MSI2: variants seen among roughly 807,000 people sequenced by gnomAD.
MSI2 encodes RNA-binding protein Musashi homolog 2.
Under a neutral mutation model 45.6 loss-of-function variants are expected in MSI2, and 17 were observed. The observed-to-expected ratio is 0.37, with a 90% CI of 0.26 to 0.56. MSI2 has a LOEUF of 0.56. Ranked by LOEUF, MSI2 falls within the 20% of genes least tolerant of loss-of-function variation. The pLI is 0.77. For missense variants in MSI2, 293 were observed against 444.2 expected (o/e 0.66, Z 3.06); for synonymous variants, 156 against 158.2 (o/e 0.99, Z 0.11).
intron 5 of MSI2, among the ~76,000 whole-genome samples, chr17:57,359,171 T>A (rs1237764552): frequency 6.6e-6 from 1 of 152,176 alleles, no homozygotes; most frequent in East Asian, 1.9e-4. Context: ...TAGGTCCCAC[T>A]GCTTGGGTTT....
At chr17:57,592,809 A>G (rs1318770333) in intron 7 of MSI2, among the ~76,000 whole-genome samples, 2 of 152,070 alleles carry the variant, frequency 1.3e-5, no homozygotes, top group Non-Finnish European at 2.9e-5. Flanking sequence ...CCTGTCTCCT[A>G]CCTCAGTTGC....
At chr17:57,493,549 C>A (rs1430215484) in intron 6 of MSI2, among the ~76,000 whole-genome samples, 1 of 151,486 alleles carries the variant, frequency 6.6e-6, no homozygotes, top group Admixed American at 6.6e-5. Flanking sequence ...CGTTGCATTG[C>A]CTGTGGGTCA....
intron 6 of MSI2, among the ~76,000 whole-genome samples, chr17:57,469,412 A>G (rs954299563): frequency 6.6e-6 from 1 of 152,216 alleles, no homozygotes; most frequent in African/African-American, 2.4e-5. Context: ...GTCATGCCCT[A>G]TTGCACCAAG....
At chr17:57,377,857 C>T (rs1052839419) in intron 5 of MSI2, among the ~76,000 whole-genome samples, 5 of 152,044 alleles carry the variant, frequency 3.3e-5, no homozygotes, top group African/African-American at 9.7e-5. Flanking sequence ...GGGTGGATCA[C>T]GAGGTCAGGA....
At position 57,643,479 on chromosome 17, in the gene MSI2, G is replaced by T. The variant is rs182304466; in HGVS notation, c.728-8620G>T. ...TCTGCTGGGTCAGTGGGGTGGGACA[G>T]GTGCTCCGCTGTGTTTCCTGAGTGC... On this transcript the variant is annotated intron_variant, in intron 10 of 13. Coordinates refer to ENST00000284073, the MANE Select transcript of MSI2 (RefSeq NM_138962.4). 2.5e-3 allele frequency among the ~76,000 whole-genome samples: 381 copies of T among 152,370 alleles called. 6 individuals carry two copies. Among genetic ancestry groups the T allele is most frequent in the Admixed American group, 0.013 (201 of 15,312 alleles).
At chr17:57,587,857 G>T (rs569591207) in intron 7 of MSI2, among the ~76,000 whole-genome samples, 1 of 152,340 alleles carries the variant, frequency 6.6e-6, no homozygotes, top group South Asian at 2.1e-4. Flanking sequence ...AGCAGGGGGA[G>T]AAATTAATTG....
At chr17:57,569,020 T>C (rs1336278990) in intron 7 of MSI2, among the ~76,000 whole-genome samples, 2 of 151,898 alleles carry the variant, frequency 1.3e-5, no homozygotes, top group Non-Finnish European at 2.9e-5. Flanking sequence ...TTTTTTTGAC[T>C]GTGTCTGGGA....
intron 5 of MSI2, among the ~76,000 whole-genome samples, chr17:57,338,436 G>A (rs913362012): frequency 6.3e-4 from 96 of 152,328 alleles, no homozygotes; most frequent in African/African-American, 2.2e-3. Context: ...GCCCAAGGCT[G>A]GCGTGCAATG....
chr17:57,585,477 C>T (rs1014525389), intron 7 of MSI2, among the ~76,000 whole-genome samples: 1 of 152,158 alleles, frequency 6.6e-6, no homozygotes, highest in Non-Finnish European at 1.5e-5. Context: ...ATAACCTGCT[C>T]AGAGTCATGC....
intron 8 of MSI2, among the ~76,000 whole-genome samples, chr17:57,603,974 G>A (rs1328086689): frequency 1.3e-5 from 2 of 152,254 alleles, no homozygotes; most frequent in Admixed American, 6.5e-5. Context: ...ACGAGTTTGG[G>A]GATAGCAGCC....
intron 6 of MSI2, among the ~76,000 whole-genome samples, chr17:57,410,483 G>A (rs1054294317): frequency 1.3e-5 from 2 of 151,870 alleles, no homozygotes; most frequent in Admixed American, 1.3e-4. Context: ...ACCCCTCTGG[G>A]CTTCTATTTG....
chr17:57,594,179 G>A lies in MSI2; in HGVS notation c.455-2689G>A, dbSNP rs541997722. Among the ~76,000 whole-genome samples, 17 of 152,336 alleles carry A rather than the reference G, an allele frequency of 1.1e-4. No individual in the cohort carries two copies. The East Asian group carries it at 2.9e-3, about 26-fold the overall frequency. On this transcript the variant is annotated intron_variant, in intron 7 of 13. Transcript: ENST00000284073. The stretch of plus-strand genomic sequence containing the variant: ...AGACCCCAGCATCACCCTCTTGCAG[G>A]GCGCTCTGGCTTGAAGGCACGCTGG...
intron 5 of MSI2, chr17:57,278,359 C>T (rs12604002): frequency 0.026 from 3,905 of 152,416 alleles, 65 homozygotes; most frequent in South Asian, 0.065. Context: ...CACCCAGCTT[C>T]GAGGAGATGG....
At chr17:57,494,116 AC>A (rs2085929288) in intron 6 of MSI2, among the ~76,000 whole-genome samples, 1 of 152,088 alleles carries the variant, frequency 6.6e-6, no homozygotes, top group African/African-American at 2.4e-5. Context: ...TTATTATGAT[AC>A]CCCTTTTCAC....
intron 6 of MSI2, among the ~76,000 whole-genome samples, chr17:57,515,456 C>T (rs1358262000): frequency 2.0e-5 from 3 of 152,152 alleles, no homozygotes; most frequent in African/African-American, 7.2e-5. Context: ...CCATTTGCCT[C>T]GGCCTCCCAA....
At chr17:57,636,174 G>C (rs1314519919) in intron 10 of MSI2, among the ~76,000 whole-genome samples, 1 of 152,134 alleles carries the variant, frequency 6.6e-6, no homozygotes, top group Non-Finnish European at 1.5e-5. Context: ...AGCCTGAGGG[G>C]TAGGGCTTGG....
At position 57,256,708 on chromosome 17, in the gene MSI2, G is replaced by T; in HGVS notation, c.-35G>T. ...TCCGCTCCGATCGCTGTGGGGCTTG[G>T]TTTTTTGGGGGTGGGGGGGCGGGGG... On this transcript the variant is annotated 5_prime_UTR_variant, in exon 1 of 14. Transcript: ENST00000284073. The T allele has an allele frequency of 1.1e-6, 1 of 893,400 alleles. No homozygotes were observed. Among genetic ancestry groups the T allele is most frequent in the Non-Finnish European group, 1.5e-6 (1 of 687,986 alleles). 55.3% of individuals were successfully genotyped at this position (893,400 alleles called of 1,614,324 possible).
At chr17:57,424,027 A>G (rs1384066329) in intron 6 of MSI2, among the ~76,000 whole-genome samples, 2 of 152,220 alleles carry the variant, frequency 1.3e-5, no homozygotes, top group African/African-American at 2.4e-5. Context: ...TTTTTATTAT[A>G]TACATCTCCT....
intron 6 of MSI2, among the ~76,000 whole-genome samples, chr17:57,527,193 C>G (rs76029407): frequency 0.018 from 2,773 of 152,246 alleles, 86 homozygotes; most frequent in East Asian, 0.082. Flanking sequence ...TGGCAAAAGT[C>G]TTAGAAAATA....
Sources: allele counts gnomAD v4.1 joint callset (sites outside exome capture counted in the v4.1 genomes callset), GRCh38; gene constraint gnomAD v4.1.1; transcripts MANE v1.5; gene names NCBI Gene and HGNC (gene_info 2026-07-23, HGNC 2026-07-21).